Variants in CDH18 observed in about 807,000 individuals in gnomAD.
CDH18 encodes the protein cadherin 18.
A neutral mutation model predicts 67.9 loss-of-function variants in CDH18; 31 were observed. The observed-to-expected ratio is 0.46, with a 90% CI of 0.34 to 0.62. The LOEUF is 0.62. Among genes scored for constraint, CDH18 ranks in the 20% least tolerant of loss-of-function variants. The probability of loss-of-function intolerance (pLI) is 0.01; values close to 1 mark genes in which losing one functional copy is unlikely to be tolerated. For missense variants in CDH18, 890 were observed against 975.5 expected, an observed-to-expected ratio of 0.91 and a Z score of 1.17; for synonymous variants, 362 against 347.2, an observed-to-expected ratio of 1.04 and a Z score of -0.48.
chr5:19,755,558 T>C (rs1771495933), intron 3 of CDH18, among the ~76,000 whole-genome samples: 1 of 144,580 alleles, frequency 6.9e-6, no homozygotes, highest in Non-Finnish European at 1.5e-5. Flanking sequence ...ATATATTTTA[T>C]ATATAATAAA....
intron 2 of CDH18, among the ~76,000 whole-genome samples, chr5:19,903,816 G>T (rs550396931): frequency 2.0e-4 from 31 of 151,872 alleles, no homozygotes; most frequent in African/African-American, 6.0e-4. Context: ...CTAGGGCTGT[G>T]CTCCAGAAAA....
chr5:19,582,752 A>G (rs1381783004), intron 7 of CDH18, among the ~76,000 whole-genome samples: 1 of 151,958 alleles, frequency 6.6e-6, no homozygotes, highest in African/African-American at 2.4e-5. Context: ...ATTATTCACA[A>G]TGGGTTGGGA....
chr5:20,294,988 G>A (rs1275516892), intron 1 of CDH18, among the ~76,000 whole-genome samples: 1 of 152,114 alleles, frequency 6.6e-6, no homozygotes, highest in East Asian at 1.9e-4. Flanking sequence ...TTTGAAATCT[G>A]TGTGGGTAAT....
At chr5:19,478,836 A>G (rs1357917243) in intron 12 of CDH18, among the ~76,000 whole-genome samples, 8 of 152,114 alleles carry the variant, frequency 5.3e-5, no homozygotes, top group Non-Finnish European at 1.0e-4. Flanking sequence ...GATTTCAGCT[A>G]CCTCTACTGT....
At chr5:19,865,345 A>G (rs1366725363) in intron 2 of CDH18, among the ~76,000 whole-genome samples, 3 of 152,140 alleles carry the variant, frequency 2.0e-5, no homozygotes, top group African/African-American at 4.8e-5. Flanking sequence ...TGCTTGATGT[A>G]CATTTTACAA....
intron 2 of CDH18, among the ~76,000 whole-genome samples, chr5:20,003,308 T>A (rs1736599753): frequency 6.6e-6 from 1 of 152,178 alleles, no homozygotes; most frequent in South Asian, 2.1e-4. Flanking sequence ...TGTGTGTGTG[T>A]GTGTGTGTAT....
intron 3 of CDH18, among the ~76,000 whole-genome samples, chr5:19,772,576 T>C (rs536999566): frequency 1.8e-4 from 28 of 152,244 alleles, no homozygotes; most frequent in Non-Finnish European, 3.1e-4. Flanking sequence ...ATTCCAGAAA[T>C]TGTGACTTCC....
intron 2 of CDH18, among the ~76,000 whole-genome samples, chr5:19,843,229 T>TG (rs1782544364): frequency 6.6e-6 from 1 of 152,162 alleles, no homozygotes; most frequent in African/African-American, 2.4e-5. Context: ...AAAAAATGGT[T>TG]TCCTGGGCCA....
At chr5:20,371,889 C>T (rs775087034) in intron 1 of CDH18, among the ~76,000 whole-genome samples, 5 of 152,082 alleles carry the variant, frequency 3.3e-5, no homozygotes, top group African/African-American at 4.8e-5. Flanking sequence ...GAGGCTTTGG[C>T]GATATGAGCA....
chr5:19,782,689 T>G (rs1345571235), intron 3 of CDH18, among the ~76,000 whole-genome samples: 1 of 151,982 alleles, frequency 6.6e-6, no homozygotes, highest in Non-Finnish European at 1.5e-5. Context: ...TTGGAAGGAG[T>G]TGCTTAGACT....
At chr5:19,492,513 TA>T (rs1741631771) in intron 11 of CDH18, among the ~76,000 whole-genome samples, 1 of 152,098 alleles carries the variant, frequency 6.6e-6, no homozygotes, top group Non-Finnish European at 1.5e-5. Context: ...ATGTTAAAAT[TA>T]AAAGTTGACA....
chr5:19,930,811 A>G (rs1472889541), intron 2 of CDH18, among the ~76,000 whole-genome samples: 2 of 152,054 alleles, frequency 1.3e-5, no homozygotes, highest in African/African-American at 4.8e-5. Context: ...GTCTTCATTT[A>G]CAAAGGAAGA....
At chr5:19,672,235 T>C (rs1311324613) in intron 5 of CDH18, among the ~76,000 whole-genome samples, 1 of 152,114 alleles carries the variant, frequency 6.6e-6, no homozygotes, top group Non-Finnish European at 1.5e-5. Context: ...AGGCAGAGTT[T>C]GCTGCACAGG....
chr5:19,531,541 G>A (rs1457493401), intron 9 of CDH18, among the ~76,000 whole-genome samples: 6 of 151,954 alleles, frequency 3.9e-5, no homozygotes, highest in South Asian at 2.1e-4. Context: ...CCATAAACTC[G>A]AACATGGTAT....
intron 1 of CDH18, among the ~76,000 whole-genome samples, chr5:20,256,148 C>T (rs1328297476): frequency 2.0e-5 from 3 of 151,716 alleles, no homozygotes; most frequent in Non-Finnish European, 4.4e-5. Flanking sequence ...ACATTACGTG[C>T]ATTATACCAA....
intron 2 of CDH18, among the ~76,000 whole-genome samples, chr5:20,095,297 G>C (rs1470484825): frequency 1.1e-5 from 1 of 89,916 alleles, no homozygotes; most frequent in African/African-American, 4.7e-5. Flanking sequence ...AGAACTTAAA[G>C]TAAAAGAAAG....
At position 20,424,341 on chromosome 5, in the gene CDH18, C is replaced by T. The variant is rs531574527; in HGVS notation, c.-580+151121G>A. Among the ~76,000 whole-genome samples, 8 of 150,822 alleles carry T rather than the reference C, an allele frequency of 5.3e-5. No homozygotes were observed. In the South Asian group the frequency reaches 1.5e-3, roughly 27 times the overall value. ...GGCCGTATGTTTTTTCCAACAGCAC[C>T]ATCATATTATCATACAAATGTGAAG... is the stretch of plus-strand genomic sequence containing the variant. On this transcript the variant is annotated intron_variant, in intron 1 of 14. Coordinates refer to the CDH18 transcript ENST00000507958.
At chr5:20,161,931 A>G (rs1735921065) in intron 2 of CDH18, among the ~76,000 whole-genome samples, 1 of 152,118 alleles carries the variant, frequency 6.6e-6, no homozygotes, top group African/African-American at 2.4e-5. Context: ...AGCATTATTA[A>G]TTCTCAGTGA....
chr5:20,262,097 A>G (rs1744701326), intron 1 of CDH18, among the ~76,000 whole-genome samples: 1 of 152,224 alleles, frequency 6.6e-6, no homozygotes. Context: ...ATAAATAAAT[A>G]ATACTTTGTT....
Sources: gnomAD v4.1 joint callset for allele counts (sites outside exome capture counted in the v4.1 genomes callset) on GRCh38, gnomAD v4.1.1 for gene constraint, MANE v1.5 for transcripts, NCBI Gene and HGNC (gene_info 2026-07-23, HGNC 2026-07-21) for gene names.